Variants in KCNK13 observed in about 807,000 individuals in gnomAD.
KCNK13 encodes potassium channel subfamily K member 13.
A neutral mutation model predicts 23.4 loss-of-function variants in KCNK13; 12 were observed. That is an observed-to-expected ratio of 0.51 (90% CI 0.33 to 0.83). The LOEUF (loss-of-function observed/expected upper bound fraction) is 0.83, where lower values mean the gene tolerates loss of function less well. KCNK13 is among the 40% of genes least tolerant of loss of function. The probability of loss-of-function intolerance (pLI) is 0.02; values close to 1 mark genes in which losing one functional copy is unlikely to be tolerated. For synonymous variants in KCNK13, 231 were observed against 229.5 expected, an observed-to-expected ratio of 1.01 and a Z score of -0.06; for missense variants, 463 against 556.3, an observed-to-expected ratio of 0.83 and a Z score of 1.69.
At chr14:90,157,149 A>G (rs927861884) in intron 1 of KCNK13, among the ~76,000 whole-genome samples, 11 of 152,260 alleles carry the variant, frequency 7.2e-5, no homozygotes, top group Admixed American at 6.5e-4. Flanking sequence ...CATCTGGACC[A>G]TCAAAGATAG....
chr14:90,139,930 C>T (rs1028669326), intron 1 of KCNK13, among the ~76,000 whole-genome samples: 1 of 152,178 alleles, frequency 6.6e-6, no homozygotes, highest in African/African-American at 2.4e-5. Flanking sequence ...CCACTGCCCT[C>T]CAGCCTGGGT....
chr14:90,154,310 ACCTGCTCTCCTACCCACAATG>A lies in KCNK13; in HGVS notation c.335-29798_335-29778del, dbSNP rs1271446729. 3.4e-4 allele frequency among the ~76,000 whole-genome samples: 47 copies of A among 136,784 alleles called. No homozygotes were observed. The East Asian group carries it at 9.4e-3, about 27-fold the overall frequency. 89.7% of individuals were successfully genotyped at this position (136,784 alleles called of 152,430 possible). On this transcript the variant is annotated intron_variant, in intron 1 of 1. Transcript: ENST00000282146. ...AATGCTGTGCTCTCCTACCCACAAT[ACCTGCTCTCCTACCCACAATG>A]CCATGCTCTCCCACCCATAATGCCT...
At position 90,062,602 on chromosome 14, in the gene KCNK13, G is replaced by A. The variant is rs1888959257; in HGVS notation, c.334+63G>A. 4 of 1,248,528 alleles carry A rather than the reference G, an allele frequency of 3.2e-6. No individual in the cohort carries two copies. Among genetic ancestry groups the A allele is most frequent in the Non-Finnish European group, 4.3e-6 (4 of 928,688 alleles). 77.3% of individuals were successfully genotyped at this position (1,248,528 alleles called of 1,614,324 possible). A position where few individuals can be genotyped will look rare whatever the true frequency, so the allele number is the denominator to read the frequency against. Reference sequence around the variant, plus strand: ...CGGCCTCCACTTCCTCCGGGGGGCAGGACCGACCCTCTCATCCTTTCATTC... The same window carrying A: ...CGGCCTCCACTTCCTCCGGGGGGCAAGACCGACCCTCTCATCCTTTCATTC... On this transcript the variant is annotated intron_variant, in intron 1 of 1. Coordinates refer to ENST00000282146, the MANE Select transcript of KCNK13 (RefSeq NM_022054.4). This position sits in a 1 kb window ranked among gnomAD's most constrained non-coding sequence, Gnocchi z 4.5.
intron 1 of KCNK13, among the ~76,000 whole-genome samples, chr14:90,066,755 T>C (rs2140386385): frequency 6.6e-6 from 1 of 152,270 alleles, no homozygotes; most frequent in South Asian, 2.1e-4. Context: ...TTTGCCAGTT[T>C]CTCTACAGGT....
At chr14:90,139,051 T>G (rs781005624) in intron 1 of KCNK13, among the ~76,000 whole-genome samples, 11 of 152,092 alleles carry the variant, frequency 7.2e-5, no homozygotes, top group Non-Finnish European at 1.0e-4. Context: ...CTCAGAAGGC[T>G]CTAGAAGGAT....
At chr14:90,107,487 T>A (rs986880236) in intron 1 of KCNK13, among the ~76,000 whole-genome samples, 11 of 152,124 alleles carry the variant, frequency 7.2e-5, no homozygotes, top group South Asian at 2.1e-4. Context: ...CAAAAAAATA[T>A]ATATATATAC....
chr14:90,070,031 CTG>C (rs1431502275), intron 1 of KCNK13, among the ~76,000 whole-genome samples: 1 of 152,186 alleles, frequency 6.6e-6, no homozygotes, highest in East Asian at 1.9e-4. Flanking sequence ...ACAACAAACA[CTG>C]TAAATAGTCT....
chr14:90,071,048 A>C (rs1176016627), intron 1 of KCNK13, among the ~76,000 whole-genome samples: 1 of 152,216 alleles, frequency 6.6e-6, no homozygotes, highest in East Asian at 1.9e-4. Context: ...CCCAGCATTT[A>C]GTATTCATAT....
At chr14:90,160,403 G>A (rs1890240372) in intron 1 of KCNK13, among the ~76,000 whole-genome samples, 3 of 152,142 alleles carry the variant, frequency 2.0e-5, no homozygotes, top group Admixed American at 2.0e-4. Flanking sequence ...TGTGTGCTGA[G>A]CTCATGGCTA....
intron 1 of KCNK13, among the ~76,000 whole-genome samples, 193 bp from the exon 2 acceptor site, chr14:90,183,907 ACAGGCTTTCAG>A (rs1395432478): frequency 6.6e-6 from 1 of 152,202 alleles, no homozygotes; most frequent in Non-Finnish European, 1.5e-5. Flanking sequence ...ATAGCACCAC[ACAGGCTTTCAG>A]CAGCCTAGCT....
chr14:90,124,761 A>G (rs918666260), intron 1 of KCNK13, among the ~76,000 whole-genome samples: 3 of 152,252 alleles, frequency 2.0e-5, no homozygotes, highest in Admixed American at 2.0e-4. Flanking sequence ...GTGTGAGATT[A>G]TAAGTGTATG....
intron 1 of KCNK13, among the ~76,000 whole-genome samples, chr14:90,075,433 T>C (rs1255330986): frequency 6.6e-6 from 1 of 152,156 alleles, no homozygotes; most frequent in Non-Finnish European, 1.5e-5. Flanking sequence ...TATCATCACA[T>C]CTTTTAACTG....
Position 90,185,025 on chromosome 14 carries a change from C to T in KCNK13, c.*22C>T. ...GTAGAAGCCAGGAGTGGATGCTGGGCAGAGGCCAGAGTAGAATGGAGGATG... is the reference window on the plus strand; with the variant it reads ...GTAGAAGCCAGGAGTGGATGCTGGGTAGAGGCCAGAGTAGAATGGAGGATG... On this transcript the variant is annotated 3_prime_UTR_variant, in exon 2 of 2. Coordinates refer to ENST00000282146, the MANE Select transcript of KCNK13 (RefSeq NM_022054.4). 1 of 1,541,446 alleles carries T rather than the reference C, an allele frequency of 6.5e-7. No homozygotes were observed. The highest frequency in any genetic ancestry group is 8.7e-7 in the Non-Finnish European group (1 of 1,146,122).
rs550447896 is a variant in KCNK13, at chr14:90,159,945, G to C, written c.335-24166G>C. ...ATTCTTAATAATCGTGTGTGTGTAG[G>C]GGTGTGTGTGTGTGTGTGTGTGTGT... On this transcript the variant is annotated intron_variant, in intron 1 of 1. Coordinates refer to ENST00000282146, the MANE Select transcript of KCNK13 (RefSeq NM_022054.4). 2.4e-3 allele frequency among the ~76,000 whole-genome samples: 141 copies of C among 59,462 alleles called. 2 individuals carry two copies. Among genetic ancestry groups the C allele is most frequent in the Non-Finnish European group, 4.5e-3 (120 of 26,596 alleles). The allele number at this position is 59,462 out of a possible 152,430, so 39.0% of individuals were successfully genotyped here.
chr14:90,130,476 A>G (rs966675300), intron 1 of KCNK13, among the ~76,000 whole-genome samples: 2 of 151,756 alleles, frequency 1.3e-5, no homozygotes, highest in African/African-American at 4.8e-5. Flanking sequence ...TTGGGATTAC[A>G]GGCATGAACC....
At chr14:90,169,457 CG>C in intron 1 of KCNK13, among the ~76,000 whole-genome samples, 1 of 152,312 alleles carries the variant, frequency 6.6e-6, no homozygotes, top group Middle Eastern at 3.4e-3. Flanking sequence ...TTGAAACCTA[CG>C]GAATACTCAA....
chr14:90,143,298 C>T (rs1890036782), intron 1 of KCNK13, among the ~76,000 whole-genome samples: 1 of 151,032 alleles, frequency 6.6e-6, no homozygotes, highest in African/African-American at 2.4e-5. Flanking sequence ...ACCTCTGCCT[C>T]CTGGGCTCAT....
intron 1 of KCNK13, among the ~76,000 whole-genome samples, chr14:90,067,040 G>A (rs188286361): frequency 1.6e-4 from 24 of 152,348 alleles, no homozygotes; most frequent in Admixed American, 1.3e-3. Context: ...GGAGGCCAAG[G>A]CAGGTGGATC....
chr14:90,093,116 A>G (rs1177876260), intron 1 of KCNK13, among the ~76,000 whole-genome samples: 1 of 152,040 alleles, frequency 6.6e-6, no homozygotes, highest in Non-Finnish European at 1.5e-5. Context: ...TAAGTGCATC[A>G]TCTCATTGGA....
Sources: gnomAD v4.1 joint callset for allele counts (sites outside exome capture counted in the v4.1 genomes callset) on GRCh38, gnomAD v4.1.1 for gene constraint, Gnocchi (gnomAD v3.1) non-coding constraint, MANE v1.5 for transcripts, NCBI Gene and HGNC (gene_info 2026-07-23, HGNC 2026-07-21) for gene names.